The following HEPHL1 variants were observed in gnomAD, a reference collection of about 807,000 sequenced individuals.
HEPHL1 encodes ferroxidase HEPHL1.
In HEPHL1, 123 loss-of-function variants were observed where a neutral mutation model predicts 122.0. That is an observed-to-expected ratio of 1.01 (90% CI 0.87 to 1.17). HEPHL1 has a LOEUF of 1.17. Ranked by LOEUF, HEPHL1 falls within the 50% of genes most tolerant of loss-of-function variation. The pLI, the probability that HEPHL1 is intolerant of heterozygous loss-of-function variation, is 0.00. For synonymous variants in HEPHL1, 527 were observed against 508.9 expected (o/e 1.04, Z -0.48); for missense variants, 1,452 against 1,430.5 (o/e 1.01, Z -0.24).
Position 94,101,282 on chromosome 11 carries a change from G to A in HEPHL1, c.2522G>A (p.Gly841Asp), listed in dbSNP as rs369581710. 5.6e-6 allele frequency: 9 copies of A among 1,613,798 alleles called. No homozygotes were observed. In the African/African-American group the frequency reaches 1.1e-4, roughly 19 times the overall value. ...ASRPYSISAQ[G>D]VEEMDSGKQF... ...AGGCCCTACTCCATCTCAGCCCAGG[G>A]TGTGGAGGAGATGGATAGTGGAAAG... The change falls in exon 14 of 20, where the codon GGT becomes GAT. Residue 841 changes from glycine (G) to aspartate (D), a missense_variant. Coordinates refer to ENST00000315765, the MANE Select transcript of HEPHL1 (RefSeq NM_001098672.2).
intron 9 of HEPHL1, among the ~76,000 whole-genome samples, chr11:94,080,147 C>G (rs913059340): frequency 1.3e-5 from 2 of 152,150 alleles, no homozygotes; most frequent in Non-Finnish European, 2.9e-5. Context: ...GACAGCACAT[C>G]TACAACCATC....
At chr11:94,074,346 G>A (rs1381598217) in intron 8 of HEPHL1, among the ~76,000 whole-genome samples, 1 of 152,064 alleles carries the variant, frequency 6.6e-6, no homozygotes, top group Admixed American at 6.6e-5. Flanking sequence ...GAGGCAAGAG[G>A]ATCTCTTGAG....
chr11:94,095,687 CTT>C (rs1946305553), intron 13 of HEPHL1, among the ~76,000 whole-genome samples: 1 of 152,122 alleles, frequency 6.6e-6, no homozygotes, highest in African/African-American at 2.4e-5. Flanking sequence ...TTTGTGTCCT[CTT>C]TTATTTTGTT....
chr11:94,034,621 G>A (rs1025544144), intron 1 of HEPHL1, among the ~76,000 whole-genome samples: 9 of 152,190 alleles, frequency 5.9e-5, no homozygotes, highest in African/African-American at 2.2e-4. Flanking sequence ...TTGTCAGCAG[G>A]TCTGCCCCTT....
intron 1 of HEPHL1, among the ~76,000 whole-genome samples, chr11:94,021,804 C>T (rs1280370545): frequency 2.0e-5 from 3 of 152,172 alleles, no homozygotes; most frequent in East Asian, 3.9e-4. Context: ...TGACAATTTC[C>T]ACCAGGTACT....
chr11:94,035,314 TA>T (rs1325142391), intron 1 of HEPHL1, among the ~76,000 whole-genome samples: 1 of 152,206 alleles, frequency 6.6e-6, no homozygotes, highest in Non-Finnish European at 1.5e-5. Flanking sequence ...ACTACAAACG[TA>T]CTTATTTAGA....
At chr11:94,071,941 G>T (rs1591477711) in intron 6 of HEPHL1, among the ~76,000 whole-genome samples, 1 of 152,118 alleles carries the variant, frequency 6.6e-6, no homozygotes, top group South Asian at 2.1e-4. Flanking sequence ...AGAAGAATGG[G>T]CACTGGCATG....
chr11:94,059,144 T>C (rs917150216), intron 2 of HEPHL1, among the ~76,000 whole-genome samples: 1 of 152,196 alleles, frequency 6.6e-6, no homozygotes, highest in African/African-American at 2.4e-5. Flanking sequence ...ATATCCTTGC[T>C]CATTTGTATA....
chr11:94,072,193 C>A (rs529675260), intron 6 of HEPHL1, among the ~76,000 whole-genome samples: 41 of 152,144 alleles, frequency 2.7e-4, no homozygotes, highest in African/African-American at 9.4e-4. Context: ...TTGCACCAAT[C>A]TAATAGTTGT....
intron 1 of HEPHL1, among the ~76,000 whole-genome samples, chr11:94,042,702 A>G (rs1251271449): frequency 7.9e-6 from 1 of 126,088 alleles, no homozygotes; most frequent in African/African-American, 3.0e-5. Context: ...AGGAAGGGGA[A>G]TATCACACTT....
Position 94,106,137 on chromosome 11 carries a change from A to G in HEPHL1, c.3045+7A>G, listed in dbSNP as rs1251698644. 3.9e-6 allele frequency: 6 copies of G among 1,538,374 alleles called. No homozygotes were observed. Among genetic ancestry groups the G allele is most frequent in the Non-Finnish European group, 5.3e-6 (6 of 1,134,146 alleles). The stretch of plus-strand genomic sequence containing the variant: ...TGAGAGCTTTCTTTTCAAAGTAAGT[A>G]TAAGGAAAGTGCTTTGGGAAAGACG... On this transcript the variant is annotated splice_region_variant and intron_variant, in intron 17 of 19. Coordinates refer to ENST00000315765, the MANE Select transcript of HEPHL1 (RefSeq NM_001098672.2).
At chr11:94,037,002 G>T (rs1386711349) in intron 1 of HEPHL1, among the ~76,000 whole-genome samples, 1 of 152,218 alleles carries the variant, frequency 6.6e-6, no homozygotes, top group African/African-American at 2.4e-5. Flanking sequence ...GCGCAGGCCA[G>T]TGGGTGCGCG....
intron 2 of HEPHL1, among the ~76,000 whole-genome samples, chr11:94,046,614 C>T (rs528678317): frequency 6.7e-6 from 1 of 150,304 alleles, no homozygotes; most frequent in Non-Finnish European, 1.5e-5. Context: ...TTTTTATCAA[C>T]AGAAGCTGAT....
chr11:94,113,177 G>C lies in HEPHL1; in HGVS notation c.*1283G>C, dbSNP rs904140213. 6.6e-6 allele frequency: 1 copy of C among 152,168 alleles called. No homozygotes were observed. The highest frequency in any genetic ancestry group is 1.5e-5 in the Non-Finnish European group (1 of 68,032). The allele number at this position is 152,168 out of a possible 1,614,324, so 9.4% of individuals were successfully genotyped here. A position where few individuals can be genotyped will look rare whatever the true frequency, so the allele number is the denominator to read the frequency against. On this transcript the variant is annotated 3_prime_UTR_variant, in exon 20 of 20. Transcript: ENST00000315765. ...GTCCATACCTATGCTTAGACAGTAG[G>C]TGTAAGATTGATAAAAGTAACATTG...
intron 5 of HEPHL1, among the ~76,000 whole-genome samples, chr11:94,068,218 A>T (rs2134430554): frequency 6.6e-6 from 1 of 152,302 alleles, no homozygotes; most frequent in Admixed American, 6.5e-5. Flanking sequence ...TGGGAAAAAC[A>T]CATGTTCTTT....
intron 2 of HEPHL1, among the ~76,000 whole-genome samples, chr11:94,060,272 CAT>C (rs1335603734): frequency 1.3e-5 from 2 of 150,936 alleles, no homozygotes; most frequent in African/African-American, 2.4e-5. Context: ...TACATACACA[CAT>C]ATGCACACAT....
In HEPHL1 at chr11:94,067,564, C is replaced by A. The variant is rs991569554; in HGVS notation, c.877C>A (p.His293Asn). ...GTGTGTTGGAGAATCTGTGTCCTGG[C>A]ACCTATTTGGAATGGGGAATGAAAT... ...DMCVGESVSWHLFGMGNEIDI... is the reference protein window; with the variant it reads ...DMCVGESVSWNLFGMGNEIDI... Residue 293 changes from histidine (H) to asparagine (N), a missense_variant, in exon 5 of 20, where the codon CAC becomes AAC. Physicochemically the swap from His to Asn is moderately conservative, Grantham distance 68 (BLOSUM62 1). Transcript: ENST00000315765. 8.1e-6 allele frequency: 13 copies of A among 1,613,304 alleles called. No individual in the cohort carries two copies. Among genetic ancestry groups the A allele is most frequent in the Non-Finnish European group, 1.0e-5 (12 of 1,179,464 alleles).
chr11:94,088,898 G>C lies in HEPHL1; in HGVS notation c.2224G>C (p.Val742Leu). 6.2e-7 allele frequency: 1 copy of C among 1,614,024 alleles called. No homozygotes were observed. Among genetic ancestry groups the C allele is most frequent in the Non-Finnish European group, 8.5e-7 (1 of 1,179,892 alleles). ...IRTFYIAAEE[V>L]EWDYAPNKNW... ...AACTTTTTACATCGCCGCTGAAGAA[G>C]TAGAATGGGATTATGCCCCTAACAA... Residue 742 changes from valine to leucine, a missense_variant, in exon 12 of 20, where the codon GTA (valine) becomes CTA (leucine). Physicochemically the swap from Val to Leu is conservative, Grantham distance 32. Coordinates refer to ENST00000315765, the MANE Select transcript of HEPHL1 (RefSeq NM_001098672.2).
At chr11:94,044,378 T>C (rs1945815177) in intron 1 of HEPHL1, among the ~76,000 whole-genome samples, 1 of 152,174 alleles carries the variant, frequency 6.6e-6, no homozygotes, top group Admixed American at 6.5e-5. Flanking sequence ...TGCTCTGCCT[T>C]TTCCTCAACT....
Sources: gnomAD v4.1 joint callset for allele counts (sites outside exome capture counted in the v4.1 genomes callset) on GRCh38, gnomAD v4.1.1 for gene constraint, MANE v1.5 for transcripts, NCBI Gene and HGNC (gene_info 2026-07-23, HGNC 2026-07-21) for gene names.